Variants in ANKRD18A observed in about 807,000 individuals in gnomAD.
The protein encoded by ANKRD18A is ankyrin repeat domain-containing protein 18A.
A neutral mutation model predicts 110.6 loss-of-function variants in ANKRD18A; 72 were observed. The observed-to-expected ratio is 0.65, with a 90% CI of 0.54 to 0.79. ANKRD18A has a LOEUF of 0.79. Among genes scored for constraint, ANKRD18A ranks in the 30% least tolerant of loss-of-function variants. The pLI, the probability that ANKRD18A is intolerant of heterozygous loss-of-function variation, is 0.00. For missense variants in ANKRD18A, 934 were observed against 1,163.3 expected, an observed-to-expected ratio of 0.80 and a Z score of 2.87; for synonymous variants, 305 against 410.3, an observed-to-expected ratio of 0.74 and a Z score of 3.10.
At position 38,575,520 on chromosome 9, in the gene ANKRD18A, A is replaced by G. The variant is rs1455447277; in HGVS notation, c.2920T>C (p.Ser974Pro). The change falls in exon 15 of 16, where the codon TCA becomes CCA. Residue 974 changes from serine (S) to proline (P), a missense_variant. Ser to Pro is a moderately conservative substitution (Grantham distance 74). Coordinates refer to ENST00000399703, the MANE Select transcript of ANKRD18A (RefSeq NM_147195.4). ...CAGTTATTTGAAGTCTGTGGGTTTGAAGTAGGAATTCTTATGGCCGTTTTG... is the reference window on the plus strand; with the variant it reads ...CAGTTATTTGAAGTCTGTGGGTTTGGAGTAGGAATTCTTATGGCCGTTTTG... ...IPKTAIRIPT[S>P]NPQTSNNCKN... The G allele has an allele frequency of 6.4e-7, 1 of 1,551,536 alleles. No homozygotes were observed. Among genetic ancestry groups the G allele is most frequent in the African/African-American group, 1.4e-5 (1 of 73,046 alleles).
chr9:38,568,600 C>T (rs3005811), downstream of ANKRD18A, among the ~76,000 whole-genome samples: 69,792 of 151,418 alleles, frequency 0.46, 16,944 homozygotes, highest in East Asian at 0.67. Flanking sequence ...GGTTGGTGGC[C>T]GGTCCACTTG....
rs2118784414 is a variant in ANKRD18A at position 38,596,066 on chromosome 9, C to T, written c.1274G>A (p.Ser425Asn). The change falls in exon 9 of 16, where the codon AGC becomes AAC. Residue 425 changes from serine to asparagine, a missense_variant. Coordinates refer to ENST00000399703, the MANE Select transcript of ANKRD18A (RefSeq NM_147195.4). ...GTACTCATTTATAGCAGTGGCCAGG[C>T]TAGAATGGAGGGATTCAACTTCAGC... ...LEAEVESLHS[S>N]LATAINEYNE... 2 of 1,551,402 alleles carry T rather than the reference C, an allele frequency of 1.3e-6. No individual in the cohort carries two copies. Among genetic ancestry groups the T allele is most frequent in the South Asian group, 1.2e-5 (1 of 83,964 alleles).
At chr9:38,597,340 G>C (rs916736601) in intron 8 of ANKRD18A, among the ~76,000 whole-genome samples, 2 of 152,120 alleles carry the variant, frequency 1.3e-5, no homozygotes, top group African/African-American at 4.8e-5. Context: ...CATTGAAATA[G>C]AGGAACCAAA....
intron 6 of ANKRD18A, 142 bp downstream of exon 6, chr9:38,607,284 T>A (rs1258084239): frequency 2.1e-6 from 1 of 477,872 alleles, no homozygotes; most frequent in East Asian, 5.2e-5. Context: ...CTCAAAATCC[T>A]GACCTCAGGT....
At chr9:38,577,647 T>G (rs566598025) in intron 13 of ANKRD18A, among the ~76,000 whole-genome samples, 1 of 152,286 alleles carries the variant, frequency 6.6e-6, no homozygotes, top group African/African-American at 2.4e-5. Flanking sequence ...CCTTTTACTC[T>G]ATAGTGAGAA....
chr9:38,603,093 G>T (rs555409571), intron 7 of ANKRD18A, 66 bp downstream of exon 7: 3 of 1,527,534 alleles, frequency 2.0e-6, no homozygotes, highest in Non-Finnish European at 2.6e-6. Flanking sequence ...CATTAACTAC[G>T]GCTGAAGCTT....
intron 3 of ANKRD18A, among the ~76,000 whole-genome samples, chr9:38,612,097 G>C (rs1379774106): frequency 1.3e-5 from 2 of 152,102 alleles, no homozygotes; most frequent in Non-Finnish European, 2.9e-5. Flanking sequence ...AAGGAAATGA[G>C]CTCTGAATTA....
intron 1 of ANKRD18A, among the ~76,000 whole-genome samples, chr9:38,618,688 T>G (rs3124040): frequency 0.62 from 93,902 of 151,884 alleles, 30,126 homozygotes; most frequent in African/African-American, 0.81. Flanking sequence ...TAGAACACAG[T>G]CTCACTCCTC....
intron 15 of ANKRD18A, among the ~76,000 whole-genome samples, chr9:38,573,824 T>C (rs774574819): frequency 6.6e-6 from 1 of 152,156 alleles, no homozygotes; most frequent in Non-Finnish European, 1.5e-5. Flanking sequence ...GTTTAATCCA[T>C]TTTTTACTTA....
chr9:38,566,710 T>C (rs1309099644), downstream of ANKRD18A: 2 of 152,260 alleles, frequency 1.3e-5, no homozygotes, highest in African/African-American at 2.4e-5. Context: ...ACAGGGCTTC[T>C]GCTTCTGGGA....
intron 12 of ANKRD18A, among the ~76,000 whole-genome samples, chr9:38,582,986 A>C (rs1824226924): frequency 6.6e-6 from 1 of 152,246 alleles, no homozygotes; most frequent in Non-Finnish European, 1.5e-5. Flanking sequence ...AGATAACCCA[A>C]TTTAACAAAT....
At chr9:38,600,370 T>G (rs1825068298) in intron 8 of ANKRD18A, among the ~76,000 whole-genome samples, 1 of 152,170 alleles carries the variant, frequency 6.6e-6, no homozygotes, top group Non-Finnish European at 1.5e-5. Context: ...GAAGCCAAAA[T>G]GAATACCAAT....
intron 15 of ANKRD18A, among the ~76,000 whole-genome samples, chr9:38,574,586 GGATTACAGGTGT>G (rs1294047330): frequency 6.6e-6 from 1 of 151,932 alleles, no homozygotes; most frequent in Non-Finnish European, 1.5e-5. Flanking sequence ...CAAAATGCTG[GGATTACAGGTGT>G]GAGCCACCAC....
chr9:38,603,073 G>T (rs1430259195), intron 7 of ANKRD18A, 86 bp downstream of exon 7: 4 of 1,507,598 alleles, frequency 2.7e-6, no homozygotes, highest in Non-Finnish European at 3.6e-6. Flanking sequence ...TTGTGACAAG[G>T]AAACTATACC....
At chr9:38,573,248 G>A in intron 15 of ANKRD18A, 1 of 480,616 alleles carries the variant, frequency 2.1e-6, no homozygotes, top group Non-Finnish European at 3.3e-6. Flanking sequence ...ATAACACAAA[G>A]TTTGCTTAAA....
chr9:38,609,207 C>T (rs763228503), intron 5 of ANKRD18A, among the ~76,000 whole-genome samples: 5 of 151,964 alleles, frequency 3.3e-5, no homozygotes, highest in Non-Finnish European at 5.9e-5. Context: ...GGGCCGGGCG[C>T]GGTGGCTCAC....
intron 2 of ANKRD18A, 73 bp from the exon 3 acceptor site, chr9:38,615,840 A>G (rs1265872309): frequency 6.5e-7 from 1 of 1,533,142 alleles, no homozygotes; most frequent in Non-Finnish European, 8.8e-7. Flanking sequence ...GGTTTCACCA[A>G]CTAGCTATAT....
intron 14 of ANKRD18A, 89 bp from the exon 15 acceptor site, chr9:38,575,787 G>A (rs1347599381): frequency 7.5e-7 from 1 of 1,336,672 alleles, no homozygotes; most frequent in East Asian, 2.5e-5. Context: ...GTTGCCCTGA[G>A]AGTAAACCAA....
At chr9:38,572,099 C>G (rs773958123) in intron 15 of ANKRD18A, 40 bp from the exon 16 acceptor site, 47 of 1,458,932 alleles carry the variant, frequency 3.2e-5, no homozygotes, top group Non-Finnish European at 4.4e-5. Flanking sequence ...TTACCTAAAA[C>G]ATTTCAGTTA....
Sources: allele counts gnomAD v4.1 joint callset (sites outside exome capture counted in the v4.1 genomes callset), GRCh38; gene constraint gnomAD v4.1.1; transcripts MANE v1.5; gene names NCBI Gene and HGNC (gene_info 2026-07-23, HGNC 2026-07-21).